Variants in SOX5 observed in about 807,000 individuals in gnomAD.
SOX5 encodes the protein SRY-box transcription factor 5.
Under a neutral mutation model 92.0 loss-of-function variants are expected in SOX5, and 9 were observed. The observed-to-expected ratio is 0.10, with a 90% confidence interval of 0.06 to 0.17. The LOEUF (loss-of-function observed/expected upper bound fraction) is 0.17, where lower values mean the gene tolerates loss of function less well. Ranked by LOEUF, SOX5 falls within the 10% of genes least tolerant of loss-of-function variation. The pLI, the probability that SOX5 is intolerant of heterozygous loss-of-function variation, is 1.00. For synonymous variants in SOX5, 344 were observed against 336.3 expected (o/e 1.02, Z -0.25); for missense variants, 642 against 944.5 (o/e 0.68, Z 4.20).
At chr12:23,534,833 C>A (rs965910266) in intron 14 of SOX5, among the ~76,000 whole-genome samples, 1 of 151,926 alleles carries the variant, frequency 6.6e-6, no homozygotes, top group Non-Finnish European at 1.5e-5. Flanking sequence ...CCTCAGCCCC[C>A]CAAGTAGCTG....
chr12:24,176,977 G>GTTTTT (rs11295163), intron 4 of SOX5, among the ~76,000 whole-genome samples: 19 of 134,980 alleles, frequency 1.4e-4, no homozygotes, highest in Non-Finnish European at 1.8e-4. Flanking sequence ...TTTGTTTTTT[G>GTTTTT]TTTTTTTTTT....
chr12:23,753,575 A>C (rs1488187977), intron 4 of SOX5, among the ~76,000 whole-genome samples: 1 of 151,812 alleles, frequency 6.6e-6, no homozygotes, highest in East Asian at 1.9e-4. Flanking sequence ...TCAGATTTTA[A>C]AAAAAAGATT....
At chr12:23,580,681 G>C (rs1949917951) in intron 9 of SOX5, among the ~76,000 whole-genome samples, 1 of 152,024 alleles carries the variant, frequency 6.6e-6, no homozygotes, top group African/African-American at 2.4e-5. Context: ...AGAATGCAAA[G>C]TAAGTAAAAT....
intron 2 of SOX5, among the ~76,000 whole-genome samples, chr12:24,284,896 G>A (rs779863027): frequency 2.0e-5 from 3 of 152,054 alleles, no homozygotes; most frequent in Admixed American, 6.6e-5. Flanking sequence ...ACGCTCAGTC[G>A]GGTGGATCAC....
intron 1 of SOX5, among the ~76,000 whole-genome samples, chr12:23,901,180 A>C (rs1311059408): frequency 1.3e-5 from 2 of 152,134 alleles, no homozygotes; most frequent in Admixed American, 6.6e-5. Context: ...GAGTCAGAGG[A>C]AGAGACTGGA....
At chr12:23,711,093 C>T (rs1040988068) in intron 6 of SOX5, among the ~76,000 whole-genome samples, 11 of 152,092 alleles carry the variant, frequency 7.2e-5, no homozygotes, top group Non-Finnish European at 1.6e-4. Context: ...CAAATATACT[C>T]ATCTCATAAT....
intron 4 of SOX5, among the ~76,000 whole-genome samples, chr12:24,177,941 A>G (rs917111837): frequency 6.6e-6 from 1 of 152,172 alleles, no homozygotes; most frequent in Non-Finnish European, 1.5e-5. Flanking sequence ...AATAATACCA[A>G]TCCTGAATAG....
intron 8 of SOX5, among the ~76,000 whole-genome samples, chr12:23,631,133 A>G (rs1285331686): frequency 6.6e-6 from 1 of 152,048 alleles, no homozygotes; most frequent in Non-Finnish European, 1.5e-5. Flanking sequence ...GTTTTCTAGT[A>G]TCAACAGCAA....
At chr12:24,124,481 CAGGCCTCATGGA>C (rs1055538389) in intron 4 of SOX5, among the ~76,000 whole-genome samples, 4 of 150,368 alleles carry the variant, frequency 2.7e-5, no homozygotes, top group Non-Finnish European at 5.9e-5. Context: ...TCTGAAAGTG[CAGGCCTCATGGA>C]AATTAGCATA....
intron 1 of SOX5, among the ~76,000 whole-genome samples, chr12:24,374,395 G>A (rs576980009): frequency 8.5e-5 from 13 of 152,268 alleles, no homozygotes; most frequent in South Asian, 2.1e-4. Context: ...GAAGGAAAAC[G>A]TCTGGATTGA....
intron 1 of SOX5, among the ~76,000 whole-genome samples, chr12:23,941,169 C>T (rs914114260): frequency 6.6e-6 from 1 of 151,586 alleles, no homozygotes; most frequent in African/African-American, 2.4e-5. Context: ...GGCTTTCTAA[C>T]TTTTGCATGT....
intron 1 of SOX5, among the ~76,000 whole-genome samples, chr12:24,372,789 CTGT>C (rs1279848497): frequency 6.6e-6 from 1 of 152,162 alleles, no homozygotes; most frequent in African/African-American, 2.4e-5. Flanking sequence ...TCTCCAGCAT[CTGT>C]TGTTTCCTGA....
chr12:24,100,788 T>A (rs927132834), intron 4 of SOX5, among the ~76,000 whole-genome samples: 3 of 152,154 alleles, frequency 2.0e-5, no homozygotes, highest in African/African-American at 7.2e-5. Flanking sequence ...TCTGGACTTC[T>A]CAAGTTTTCC....
chr12:24,502,240 A>G lies in SOX5; in HGVS notation c.-251+60089T>C, dbSNP rs76483690. ...AGGAGATTCCATGAAGAAGTGGCCA[A>G]TTCCAACAATGGGTCAGGGATAATA... On this transcript the variant is annotated intron_variant, in intron 1 of 4. Transcript: ENST00000446891. Among the ~76,000 whole-genome samples, 995 of 152,356 alleles carry G rather than the reference A, an allele frequency of 6.5e-3. 12 individuals are homozygous for G. Among genetic ancestry groups the G allele is most frequent in the African/African-American group, 0.02 (848 of 41,586 alleles).
chr12:23,924,647 C>G (rs1217704037), intron 1 of SOX5, among the ~76,000 whole-genome samples: 1 of 151,920 alleles, frequency 6.6e-6, no homozygotes, highest in Non-Finnish European at 1.5e-5. Context: ...CTAGAGGATA[C>G]TTACTAAAAT....
intron 2 of SOX5, among the ~76,000 whole-genome samples, chr12:24,361,346 G>A (rs1006370371): frequency 1.3e-5 from 2 of 152,140 alleles, no homozygotes; most frequent in African/African-American, 4.8e-5. Flanking sequence ...TACTCTGCCT[G>A]GGTGTGAATC....
Position 24,419,503 on chromosome 12 carries a change from A to G in SOX5, c.-250-50864T>C, listed in dbSNP as rs896957849. ...AGAGTTCCTGAGAGATGAAGTCTAG[A>G]CTCAAAAGAATTTTCTGAACAGCAA... On this transcript the variant is annotated intron_variant, in intron 1 of 4. Coordinates refer to the SOX5 transcript ENST00000446891. Among the ~76,000 whole-genome samples, 3 of 152,120 alleles carry G rather than the reference A, an allele frequency of 2.0e-5. No individual in the cohort carries two copies. The East Asian group carries it at 5.8e-4, about 29-fold the overall frequency.
intron 5 of SOX5, 99 bp from the exon 6 acceptor site, chr12:23,734,851 A>G: frequency 1.2e-6 from 1 of 849,528 alleles, no homozygotes; most frequent in Non-Finnish European, 1.9e-6. Context: ...GACACTGATT[A>G]AGATGATGAA....
chr12:23,777,375 AAGAC>A (rs1435312103), intron 3 of SOX5, among the ~76,000 whole-genome samples: 5 of 152,210 alleles, frequency 3.3e-5, no homozygotes, highest in African/African-American at 4.8e-5. Flanking sequence ...TAAATATATT[AAGAC>A]AGACAGTAAT....
Sources: gnomAD v4.1 joint callset for allele counts (sites outside exome capture counted in the v4.1 genomes callset) on GRCh38, gnomAD v4.1.1 for gene constraint, MANE v1.5 for transcripts, NCBI Gene and HGNC (gene_info 2026-07-23, HGNC 2026-07-21) for gene names.